Variants in ANKRD30B observed in about 807,000 individuals in gnomAD.
The protein encoded by ANKRD30B is ankyrin repeat domain-containing protein 30B.
ANKRD30B carries 144 observed loss-of-function variants against 202.2 expected under a neutral mutation model. The ratio of observed to expected loss-of-function variants is 0.71; its 90% CI spans 0.62 to 0.82. ANKRD30B has a LOEUF of 0.82. ANKRD30B is among the 40% of genes least tolerant of loss of function. The pLI, the probability that ANKRD30B is intolerant of heterozygous loss-of-function variation, is 0.00. For synonymous variants in ANKRD30B, 508 were observed against 561.3 expected, an observed-to-expected ratio of 0.91 and a Z score of 1.34; for missense variants, 1,487 against 1,669.1, an observed-to-expected ratio of 0.89 and a Z score of 1.90.
chr18:14,914,139 C>T, the ANKRD30B span, among the ~76,000 whole-genome samples: 1 of 152,186 alleles, frequency 6.6e-6, no homozygotes, highest in African/African-American at 2.4e-5. Context: ...GATATTTTAG[C>T]ATAAAAACAG....
the ANKRD30B span, among the ~76,000 whole-genome samples, chr18:14,928,337 A>T: frequency 6.6e-6 from 1 of 152,168 alleles, no homozygotes; most frequent in East Asian, 1.9e-4. Context: ...TTAGTTAAAC[A>T]TATTTCTGGA....
chr18:14,777,160 C>A (rs1418828749), intron 9 of ANKRD30B, among the ~76,000 whole-genome samples: 2 of 152,042 alleles, frequency 1.3e-5, no homozygotes, highest in Non-Finnish European at 2.9e-5. Context: ...GCTCAGTAAC[C>A]CAGTCAATAG....
chr18:14,776,704 T>C (rs1318186187), intron 9 of ANKRD30B, among the ~76,000 whole-genome samples: 1 of 152,262 alleles, frequency 6.6e-6, no homozygotes, highest in Non-Finnish European at 1.5e-5. Flanking sequence ...TCTCTTTTTA[T>C]GAAGGCTTGC....
Position 14,809,424 on chromosome 18 carries a change from T to C in ANKRD30B, c.2387-562T>C, listed in dbSNP as rs35858318. ...GAAACACAATGTGAAGCTAGACAAC[T>C]GGTTAGACCAGAAATTCTCAGAAGG... is the stretch of plus-strand genomic sequence containing the variant. On this transcript the variant is annotated intron_variant, in intron 26 of 43. Transcript: ENST00000690538. Among the ~76,000 whole-genome samples, 5 of 150,828 alleles carry C rather than the reference T, an allele frequency of 3.3e-5. No individual in the cohort carries two copies. The East Asian group carries it at 9.7e-4, about 29-fold the overall frequency.
At chr18:14,874,037 A>G in the ANKRD30B span, among the ~76,000 whole-genome samples, 1 of 152,300 alleles carries the variant, frequency 6.6e-6, no homozygotes, top group East Asian at 1.9e-4. Context: ...TGTGCCACTT[A>G]CTTGCTTAGT....
At chr18:14,868,168 T>C in the ANKRD30B span, among the ~76,000 whole-genome samples, 1 of 152,296 alleles carries the variant, frequency 6.6e-6, no homozygotes, top group Non-Finnish European at 1.5e-5. Flanking sequence ...GTGCTAATGG[T>C]GGCAGCAGCA....
chr18:14,885,002 A>G, the ANKRD30B span, among the ~76,000 whole-genome samples: 2 of 152,214 alleles, frequency 1.3e-5, no homozygotes, highest in African/African-American at 4.8e-5. Flanking sequence ...GCTATTTCAT[A>G]TTAAGATACA....
At chr18:14,938,941 A>G in the ANKRD30B span, among the ~76,000 whole-genome samples, 1 of 152,182 alleles carries the variant, frequency 6.6e-6, no homozygotes, top group African/African-American at 2.4e-5. Context: ...GATCAACAAC[A>G]GGAGACAGAG....
the ANKRD30B span, among the ~76,000 whole-genome samples, chr18:14,914,807 AG>A: frequency 6.6e-6 from 1 of 152,170 alleles, no homozygotes; most frequent in Admixed American, 6.5e-5. Flanking sequence ...GTCGTGTTTT[AG>A]GTCTCTTGAA....
At chr18:14,927,445 C>A in the ANKRD30B span, among the ~76,000 whole-genome samples, 1 of 152,190 alleles carries the variant, frequency 6.6e-6, no homozygotes, top group Non-Finnish European at 1.5e-5. Context: ...ACATACTGAG[C>A]ATTCAATGCA....
chr18:14,757,248 G>A (rs1598567302), intron 4 of ANKRD30B, among the ~76,000 whole-genome samples: 1 of 152,148 alleles, frequency 6.6e-6, no homozygotes, highest in African/African-American at 2.4e-5. Context: ...CTTGATAGGT[G>A]TGACCTTGCA....
chr18:14,936,574 T>G, the ANKRD30B span, among the ~76,000 whole-genome samples: 4 of 152,208 alleles, frequency 2.6e-5, no homozygotes, highest in Middle Eastern at 3.4e-3. Flanking sequence ...TAATTAGAAA[T>G]GATAGTCCTT....
chr18:14,868,561 G>A, the ANKRD30B span, among the ~76,000 whole-genome samples: 8 of 152,280 alleles, frequency 5.3e-5, no homozygotes. Context: ...AGTTCACCAA[G>A]GGGAAGAAAG....
At chr18:14,850,663 T>C (rs1012136199) in intron 41 of ANKRD30B, among the ~76,000 whole-genome samples, 1 of 151,848 alleles carries the variant, frequency 6.6e-6, no homozygotes, top group African/African-American at 2.4e-5. Flanking sequence ...CAACATAGAT[T>C]AGTGTATTTT....
chr18:14,791,983 G>T (rs551635737), intron 16 of ANKRD30B, among the ~76,000 whole-genome samples: 1 of 152,210 alleles, frequency 6.6e-6, no homozygotes, highest in African/African-American at 2.4e-5. Context: ...TCACTGGTGG[G>T]AAGCCATTAG....
chr18:14,782,880 A>G (rs1967845700), intron 12 of ANKRD30B, among the ~76,000 whole-genome samples: 1 of 152,310 alleles, frequency 6.6e-6, no homozygotes, highest in Middle Eastern at 3.4e-3. Context: ...GAAAAGGAGT[A>G]AAAAGGGAAT....
intron 20 of ANKRD30B, among the ~76,000 whole-genome samples, chr18:14,798,610 G>C (rs563605150): frequency 2.0e-5 from 3 of 152,066 alleles, no homozygotes; most frequent in African/African-American, 7.2e-5. Flanking sequence ...AGATGAGGGC[G>C]TTCATAGCAC....
At chr18:14,817,821 A>C (rs574836694) in intron 30 of ANKRD30B, among the ~76,000 whole-genome samples, 1 of 152,332 alleles carries the variant, frequency 6.6e-6, no homozygotes, top group South Asian at 2.1e-4. Context: ...TCTCATCATA[A>C]TTAAAGCAGG....
At position 14,837,529 on chromosome 18, in the gene ANKRD30B, CATAAAT is replaced by C. The variant is rs575844757; in HGVS notation, c.2927-85_2927-80del. On this transcript the variant is annotated intron_variant, in intron 35 of 43. Coordinates refer to ENST00000690538, the MANE Select transcript of ANKRD30B (RefSeq NM_001367607.2). ...CTATTATTTTTATTTTTGAAATACT[CATAAAT>C]GGAAATAGATTTGTATATAGTTTTA... The C allele has an allele frequency of 2.9e-3, 3,225 of 1,103,274 alleles. 35 individuals are homozygous for C. The highest frequency in any genetic ancestry group is 1.7e-3 in the Non-Finnish European group (1,346 of 799,164). 68.3% of individuals were successfully genotyped at this position (1,103,274 alleles called of 1,614,324 possible).
Sources: allele counts gnomAD v4.1 joint callset (sites outside exome capture counted in the v4.1 genomes callset), GRCh38; gene constraint gnomAD v4.1.1; transcripts MANE v1.5; gene names NCBI Gene and HGNC (gene_info 2026-07-23, HGNC 2026-07-21).